WDPCP: variants seen among roughly 807,000 people sequenced by gnomAD.
WDPCP encodes WD repeat-containing and planar cell polarity effector protein fritz homolog.
In WDPCP, 71 loss-of-function variants were observed where a neutral mutation model predicts 93.1. That is an observed-to-expected ratio of 0.76 (90% CI 0.63 to 0.93). The LOEUF (loss-of-function observed/expected upper bound fraction) is 0.93, where lower values mean the gene tolerates loss of function less well. WDPCP is among the 40% of genes least tolerant of loss of function. The pLI is 0.00. For missense variants in WDPCP, 844 were observed against 887.4 expected (o/e 0.95, Z 0.62); for synonymous variants, 315 against 315.0 (o/e 1.00, Z 0.00).
chr2:63,501,565 C>CA, intron 1 of WDPCP, among the ~76,000 whole-genome samples: 1 of 151,950 alleles, frequency 6.6e-6, no homozygotes, highest in East Asian at 1.9e-4. Context: ...GACCAAGTTT[C>CA]AAAAAAACAA....
chr2:63,309,063 T>C (rs983612323), intron 13 of WDPCP, among the ~76,000 whole-genome samples: 4 of 152,112 alleles, frequency 2.6e-5, no homozygotes, highest in African/African-American at 9.7e-5. Context: ...AAATATTGGG[T>C]ACACATGGAC....
Position 63,427,168 on chromosome 2 carries a change from G to A in WDPCP, c.825+6577C>T, listed in dbSNP as rs1696388891. ...CTTCAACAACCCACTGATAGCATGTGACAGATCATCAAGGCAGAAAATTAA... is the reference window on the plus strand; with the variant it reads ...CTTCAACAACCCACTGATAGCATGTAACAGATCATCAAGGCAGAAAATTAA... On this transcript the variant is annotated intron_variant, in intron 9 of 17. Transcript: ENST00000272321. 2.6e-5 allele frequency among the ~76,000 whole-genome samples: 4 copies of A among 152,224 alleles called. No homozygotes were observed. The South Asian group carries it at 8.3e-4, about 32-fold the overall frequency.
chr2:63,594,938 G>C, intron 3 of WDPCP: 1 of 258,664 alleles, frequency 3.9e-6, no homozygotes, highest in South Asian at 4.7e-5. Context: ...GGAACCAAAA[G>C]AGTAAGGAAA....
chr2:63,490,206 T>TA (rs973337582), intron 2 of WDPCP, among the ~76,000 whole-genome samples: 26 of 151,970 alleles, frequency 1.7e-4, no homozygotes, highest in African/African-American at 5.1e-4. Flanking sequence ...ATCCTTTTCC[T>TA]AAAAAAAGAA....
intron 7 of WDPCP, 71 bp from the exon 8 acceptor site, chr2:63,437,625 A>G: frequency 7.2e-7 from 1 of 1,390,882 alleles, no homozygotes; most frequent in Non-Finnish European, 9.8e-7. Context: ...GATATGTTAC[A>G]AAAAGCTATT....
intron 3 of WDPCP, chr2:63,643,445 A>C: frequency 3.1e-6 from 1 of 319,128 alleles, no homozygotes. Flanking sequence ...ACCACATGAA[A>C]AGATCCAGGA....
chr2:63,592,871 C>T (rs896409731), upstream of WDPCP, among the ~76,000 whole-genome samples: 1 of 151,924 alleles, frequency 6.6e-6, no homozygotes. Context: ...TTAAGGATCT[C>T]GTATTCTAAA....
chr2:63,717,234 G>A (rs1669351723), intron 2 of WDPCP: 1 of 521,950 alleles, frequency 1.9e-6, no homozygotes, highest in Non-Finnish European at 3.8e-6. Flanking sequence ...AAGACATATT[G>A]GCTGACCTGA....
chr2:63,629,813 A>G (rs1049189750), intron 3 of WDPCP, among the ~76,000 whole-genome samples: 6 of 152,248 alleles, frequency 3.9e-5, no homozygotes, highest in Non-Finnish European at 7.3e-5. Context: ...TAGCACTGTC[A>G]GAGAAAGCCA....
intron 14 of WDPCP, among the ~76,000 whole-genome samples, chr2:63,246,582 TG>T (rs997912499): frequency 6.6e-6 from 1 of 152,176 alleles, no homozygotes; most frequent in African/African-American, 2.4e-5. Context: ...TTCAAAAGGA[TG>T]TTTAGCATGA....
intron 1 of WDPCP, among the ~76,000 whole-genome samples, chr2:63,576,977 T>C (rs552041987): frequency 2.6e-5 from 4 of 152,314 alleles, no homozygotes; most frequent in African/African-American, 9.6e-5. Context: ...GTCTTCACTA[T>C]AAGGTAGTTC....
At chr2:63,251,660 T>C (rs1470246603) in intron 14 of WDPCP, among the ~76,000 whole-genome samples, 2 of 151,396 alleles carry the variant, frequency 1.3e-5, no homozygotes, top group Non-Finnish European at 2.9e-5. Flanking sequence ...CCTGGCTAAT[T>C]TTTTGTATTT....
chr2:63,546,350 G>A (rs1705153161), intron 1 of WDPCP, among the ~76,000 whole-genome samples: 1 of 152,170 alleles, frequency 6.6e-6, no homozygotes, highest in Non-Finnish European at 1.5e-5. Flanking sequence ...AGAAGACAGA[G>A]TCCAGGCCTG....
intron 13 of WDPCP, among the ~76,000 whole-genome samples, chr2:63,308,351 T>A (rs1685911559): frequency 6.6e-6 from 1 of 152,166 alleles, no homozygotes; most frequent in Non-Finnish European, 1.5e-5. Context: ...CTCAGGGATG[T>A]AGAACTAGAA....
intron 10 of WDPCP, among the ~76,000 whole-genome samples, chr2:63,400,963 C>A (rs1292345050): frequency 1.3e-5 from 2 of 152,030 alleles, no homozygotes; most frequent in Non-Finnish European, 2.9e-5. Context: ...CTGAAACTGA[C>A]CCCTTCCTTA....
chr2:63,775,770 G>T (rs564212777), intron 2 of WDPCP, among the ~76,000 whole-genome samples: 11 of 152,280 alleles, frequency 7.2e-5, no homozygotes, highest in Non-Finnish European at 1.0e-4. Context: ...ATCTTCTGTT[G>T]TTTTATGCAG....
At chr2:63,757,065 G>C (rs1386173519) in intron 2 of WDPCP, among the ~76,000 whole-genome samples, 2 of 152,156 alleles carry the variant, frequency 1.3e-5, no homozygotes, top group African/African-American at 2.4e-5. Flanking sequence ...GAAAAGCTTA[G>C]TCCAAATTGG....
chr2:63,135,108 G>C (rs1047142876), intron 17 of WDPCP, among the ~76,000 whole-genome samples: 1 of 152,206 alleles, frequency 6.6e-6, no homozygotes. Flanking sequence ...GGGCAACAGA[G>C]CCAGACCCTG....
chr2:63,236,215 C>T (rs1358494176), intron 14 of WDPCP, among the ~76,000 whole-genome samples: 6 of 152,118 alleles, frequency 3.9e-5, no homozygotes, highest in Non-Finnish European at 8.8e-5. Flanking sequence ...AAGTCAAGAA[C>T]TTAATCCCAC....
Sources: allele counts gnomAD v4.1 joint callset (sites outside exome capture counted in the v4.1 genomes callset), GRCh38; gene constraint gnomAD v4.1.1; transcripts MANE v1.5; gene names NCBI Gene and HGNC (gene_info 2026-07-23, HGNC 2026-07-21).